Variants in ATXN1 observed in about 807,000 individuals in gnomAD.
The protein encoded by ATXN1 is ataxin 1.
ATXN1 carries 8 observed loss-of-function variants against 56.4 expected under a neutral mutation model. The observed-to-expected ratio is 0.14, with a 90% CI of 0.08 to 0.26. The LOEUF (loss-of-function observed/expected upper bound fraction) is 0.26, where lower values mean the gene tolerates loss of function less well. ATXN1 is among the 10% of genes least tolerant of loss of function. ATXN1 has a pLI of 1.00. For synonymous variants in ATXN1, 514 were observed against 494.6 expected, an observed-to-expected ratio of 1.04 and a Z score of -0.52; for missense variants, 987 against 1,106.5, an observed-to-expected ratio of 0.89 and a Z score of 1.53.
intron 4 of ATXN1, among the ~76,000 whole-genome samples, chr6:16,553,516 A>G (rs977704451): frequency 3.9e-5 from 6 of 152,196 alleles, no homozygotes; most frequent in African/African-American, 1.4e-4. Flanking sequence ...TATAATAACT[A>G]TAATGTAGTG....
intron 4 of ATXN1, among the ~76,000 whole-genome samples, chr6:16,568,248 C>A (rs1762265521): frequency 6.6e-6 from 1 of 152,028 alleles, no homozygotes; most frequent in Admixed American, 6.5e-5. Context: ...TGAAACGCTG[C>A]CAAAGGGAAT....
At chr6:16,519,473 G>GA (rs1210049338) in intron 5 of ATXN1, among the ~76,000 whole-genome samples, 1 of 152,206 alleles carries the variant, frequency 6.6e-6, no homozygotes, top group Non-Finnish European at 1.5e-5. Flanking sequence ...CAGAAGATGA[G>GA]AAATGGGTAT....
At chr6:16,592,604 T>C (rs1762741985) in intron 3 of ATXN1, among the ~76,000 whole-genome samples, 1 of 152,092 alleles carries the variant, frequency 6.6e-6, no homozygotes, top group African/African-American at 2.4e-5. Flanking sequence ...CAAGATTTTC[T>C]AGGCTTTTGG....
chr6:16,723,662 A>G (rs550988654), intron 2 of ATXN1, among the ~76,000 whole-genome samples: 5 of 152,182 alleles, frequency 3.3e-5, no homozygotes, highest in Non-Finnish European at 7.3e-5. Flanking sequence ...GAGCATTAAG[A>G]TAATTACACA....
At chr6:16,721,228 T>A (rs900323381) in intron 2 of ATXN1, among the ~76,000 whole-genome samples, 7 of 152,244 alleles carry the variant, frequency 4.6e-5, no homozygotes, top group Admixed American at 2.0e-4. Flanking sequence ...CAGGAGCTAC[T>A]ACGAACAAGG....
chr6:16,350,526 C>T (rs896599039), intron 6 of ATXN1, among the ~76,000 whole-genome samples: 1 of 152,238 alleles, frequency 6.6e-6, no homozygotes, highest in Non-Finnish European at 1.5e-5. Context: ...TCGCACTTCA[C>T]TCCTATATCC....
intron 4 of ATXN1, among the ~76,000 whole-genome samples, chr6:16,582,578 T>TGCAGATAGGTCTTGTACC (rs1762548988): frequency 6.6e-6 from 1 of 152,202 alleles, no homozygotes; most frequent in Non-Finnish European, 1.5e-5. Context: ...TGCCTGGTCT[T>TGCAGATAGGTCTTGTACC]GCAGATAGGT....
chr6:16,621,925 G>C (rs1435473792), intron 3 of ATXN1, among the ~76,000 whole-genome samples: 1 of 152,188 alleles, frequency 6.6e-6, no homozygotes, highest in East Asian at 1.9e-4. Context: ...GTAAATGTGG[G>C]CGAGTAGTTT....
At chr6:16,451,470 A>G (rs886765672) in intron 6 of ATXN1, among the ~76,000 whole-genome samples, 5 of 152,192 alleles carry the variant, frequency 3.3e-5, no homozygotes, top group Admixed American at 3.3e-4. Flanking sequence ...GTCTCAAAAA[A>G]AAAGGCCAGG....
intron 6 of ATXN1, among the ~76,000 whole-genome samples, chr6:16,353,843 C>T (rs1761623901): frequency 6.6e-6 from 1 of 151,468 alleles, no homozygotes; most frequent in Admixed American, 6.6e-5. Context: ...TCCCCTGAGT[C>T]GATAATCAGA....
At chr6:16,465,175 T>G (rs577124179) in intron 6 of ATXN1, among the ~76,000 whole-genome samples, 6 of 152,276 alleles carry the variant, frequency 3.9e-5, no homozygotes, top group Admixed American at 2.0e-4. Context: ...TCAGGCAAGG[T>G]GCAACGGCTG....
At chr6:16,603,921 G>A (rs1273047292) in intron 3 of ATXN1, among the ~76,000 whole-genome samples, 1 of 152,158 alleles carries the variant, frequency 6.6e-6, no homozygotes, top group Non-Finnish European at 1.5e-5. Context: ...GTACTGGCAT[G>A]AGGGTGTGGG....
At chr6:16,486,895 G>A (rs189485605) in intron 5 of ATXN1, among the ~76,000 whole-genome samples, 13 of 152,032 alleles carry the variant, frequency 8.6e-5, no homozygotes, top group East Asian at 5.8e-4. Flanking sequence ...TCCGCCCACC[G>A]AAGACAACAC....
chr6:16,610,987 A>G (rs949807485), intron 3 of ATXN1, among the ~76,000 whole-genome samples: 10 of 152,096 alleles, frequency 6.6e-5, no homozygotes, highest in Non-Finnish European at 1.5e-4. Context: ...TTATGATCCC[A>G]CCAGTGCACT....
intron 6 of ATXN1, among the ~76,000 whole-genome samples, chr6:16,358,765 C>A (rs1761745580): frequency 6.6e-6 from 1 of 152,242 alleles, no homozygotes; most frequent in Non-Finnish European, 1.5e-5. Flanking sequence ...GGGGCCACAG[C>A]CACCCAAACT....
intron 6 of ATXN1, among the ~76,000 whole-genome samples, chr6:16,466,068 G>A (rs978427930): frequency 6.6e-6 from 1 of 152,166 alleles, no homozygotes; most frequent in African/African-American, 2.4e-5. Flanking sequence ...TGTAATCCCA[G>A]CACTTTGGGA....
intron 6 of ATXN1, among the ~76,000 whole-genome samples, chr6:16,353,199 C>T (rs556178449): frequency 2.6e-5 from 4 of 152,230 alleles, no homozygotes; most frequent in African/African-American, 4.8e-5. Flanking sequence ...TAACGGGGGA[C>T]GTCTGGCTGC....
intron 3 of ATXN1, among the ~76,000 whole-genome samples, chr6:16,650,280 T>C (rs1265191369): frequency 2.0e-5 from 3 of 152,196 alleles, no homozygotes; most frequent in Non-Finnish European, 4.4e-5. Flanking sequence ...GAGATTTAAA[T>C]GGTAAGTTGA....
chr6:16,675,248 A>T (rs1487914536), intron 2 of ATXN1, among the ~76,000 whole-genome samples: 1 of 152,196 alleles, frequency 6.6e-6, no homozygotes, highest in African/African-American at 2.4e-5. Context: ...ACGTTTGGAG[A>T]TTAACCCGCA....
Sources: gnomAD v4.1 joint callset for allele counts (sites outside exome capture counted in the v4.1 genomes callset) on GRCh38, gnomAD v4.1.1 for gene constraint, MANE v1.5 for transcripts, NCBI Gene and HGNC (gene_info 2026-07-23, HGNC 2026-07-21) for gene names.